Variants in TPRG1 observed in about 807,000 individuals in gnomAD.
TPRG1 encodes the protein tumor protein p63-regulated gene 1 protein.
A neutral mutation model predicts 29.3 loss-of-function variants in TPRG1; 29 were observed. That is an observed-to-expected ratio of 0.99 (90% CI 0.74 to 1.35). The LOEUF (loss-of-function observed/expected upper bound fraction) is 1.35. TPRG1 is among the 40% of genes most tolerant of loss of function. The pLI is 0.00. For synonymous variants in TPRG1, 130 were observed against 116.8 expected (o/e 1.11, Z -0.73); for missense variants, 327 against 335.0 (o/e 0.98, Z 0.19).
chr3:189,323,334 C>T lies in TPRG1; in HGVS notation c.*2514C>T, dbSNP rs1033776705. ...AAGAGTTGGATCAATCATGGGAGACCCTGAAAAATTTCCTTACCTTTCCTA... is the reference window on the plus strand; with the variant it reads ...AAGAGTTGGATCAATCATGGGAGACTCTGAAAAATTTCCTTACCTTTCCTA... On this transcript the variant is annotated 3_prime_UTR_variant, in exon 6 of 6. Transcript: ENST00000345063. 1 of 151,900 alleles carries T rather than the reference C, an allele frequency of 6.6e-6. No individual in the cohort carries two copies. Among genetic ancestry groups the T allele is most frequent in the African/African-American group, 2.4e-5 (1 of 41,346 alleles). 9.4% of individuals were successfully genotyped at this position (151,900 alleles called of 1,614,324 possible).
intron 4 of TPRG1, among the ~76,000 whole-genome samples, chr3:189,092,867 CTTGT>C (rs1718429759): frequency 6.6e-6 from 1 of 152,154 alleles, no homozygotes; most frequent in South Asian, 2.1e-4. Context: ...CACGTATTAA[CTTGT>C]TTAACAAATG....
chr3:189,180,252 C>T (rs1000181179), intron 1 of TPRG1, among the ~76,000 whole-genome samples: 5 of 152,074 alleles, frequency 3.3e-5, no homozygotes, highest in Admixed American at 2.6e-4. Flanking sequence ...CACCTCTGGT[C>T]GCTCCCAAAT....
At chr3:189,287,585 G>C (rs976924272) in intron 4 of TPRG1, among the ~76,000 whole-genome samples, 2 of 152,026 alleles carry the variant, frequency 1.3e-5, no homozygotes, top group Admixed American at 1.3e-4. Flanking sequence ...TTTTAGTAGA[G>C]ACGGGGTTTC....
intron 2 of TPRG1, among the ~76,000 whole-genome samples, chr3:189,130,562 A>G (rs1253221582): frequency 3.9e-5 from 6 of 152,240 alleles, no homozygotes; most frequent in Admixed American, 2.0e-4. Flanking sequence ...CAACAGCATG[A>G]AAGAGAACAC....
chr3:189,049,487 A>T (rs1715178095), intron 4 of TPRG1, among the ~76,000 whole-genome samples: 1 of 152,204 alleles, frequency 6.6e-6, no homozygotes, highest in South Asian at 2.1e-4. Context: ...CAGCAGCCAC[A>T]GCAAGACTGG....
chr3:189,119,560 C>T (rs945416148), intron 1 of TPRG1, among the ~76,000 whole-genome samples: 22 of 152,146 alleles, frequency 1.4e-4, no homozygotes, highest in African/African-American at 5.3e-4. Context: ...ATAATCTCCA[C>T]ATGTCGTGGG....
At chr3:189,193,974 C>A (rs1732132371) in intron 1 of TPRG1, among the ~76,000 whole-genome samples, 1 of 148,344 alleles carries the variant, frequency 6.7e-6, no homozygotes, top group African/African-American at 2.5e-5. Context: ...ATCATATTTT[C>A]TTGCTTTTTC....
At chr3:189,179,979 T>C (rs1729997207) in intron 1 of TPRG1, among the ~76,000 whole-genome samples, 1 of 152,182 alleles carries the variant, frequency 6.6e-6, no homozygotes, top group African/African-American at 2.4e-5. Flanking sequence ...GTTCCATGTG[T>C]CTGGGGAAGC....
chr3:189,095,008 A>G (rs1020429162), intron 4 of TPRG1, among the ~76,000 whole-genome samples: 1 of 152,128 alleles, frequency 6.6e-6, no homozygotes, highest in African/African-American at 2.4e-5. Flanking sequence ...TGTCATGTGT[A>G]TTGATTGTAG....
intron 1 of TPRG1, among the ~76,000 whole-genome samples, chr3:189,184,095 G>T (rs146806832): frequency 6.6e-6 from 1 of 152,106 alleles, no homozygotes; most frequent in Non-Finnish European, 1.5e-5. Flanking sequence ...TTCTGCCATG[G>T]CTTTAGCCAG....
chr3:189,214,335 A>C (rs1043433919), intron 2 of TPRG1, among the ~76,000 whole-genome samples: 1 of 152,226 alleles, frequency 6.6e-6, no homozygotes, highest in African/African-American at 2.4e-5. Flanking sequence ...GAGAGACCCA[A>C]AAAAATACCC....
chr3:189,148,411 G>T lies in TPRG1; in HGVS notation c.-227+764G>T, dbSNP rs929216044. ...AAGTACTATTTTAAGAAAAGGTGCC[G>T]AGTGTTATCAAAGCAGAGGACCTCT... On this transcript the variant is annotated intron_variant, in intron 4 of 6. Coordinates refer to the TPRG1 transcript ENST00000412373. Among the ~76,000 whole-genome samples, 9 of 152,202 alleles carry T rather than the reference G, an allele frequency of 5.9e-5. No homozygotes were observed. The East Asian group carries it at 1.7e-3, about 29-fold the overall frequency.
intron 4 of TPRG1, among the ~76,000 whole-genome samples, chr3:189,062,051 G>C (rs1295341031): frequency 6.6e-6 from 1 of 152,140 alleles, no homozygotes; most frequent in East Asian, 1.9e-4. Flanking sequence ...GCCCACCAAT[G>C]ACAGATTAGA....
chr3:189,156,584 C>T (rs1055551513), intron 5 of TPRG1, among the ~76,000 whole-genome samples: 3 of 152,078 alleles, frequency 2.0e-5, no homozygotes, highest in Non-Finnish European at 2.9e-5. Context: ...AAGTCCAAGC[C>T]CCTGGCGATA....
intron 1 of TPRG1, among the ~76,000 whole-genome samples, chr3:189,190,182 C>T (rs1731490096): frequency 6.6e-6 from 1 of 152,212 alleles, no homozygotes; most frequent in South Asian, 2.1e-4. Context: ...AAGGAATAGT[C>T]AGACTTATCC....
intron 4 of TPRG1, among the ~76,000 whole-genome samples, chr3:189,090,639 G>C (rs1162757409): frequency 6.6e-6 from 1 of 151,716 alleles, no homozygotes; most frequent in African/African-American, 2.4e-5. Context: ...ACAATTCTTT[G>C]ATATTTAAAA....
At chr3:189,305,131 A>G (rs1721425965) in intron 4 of TPRG1, among the ~76,000 whole-genome samples, 1 of 152,164 alleles carries the variant, frequency 6.6e-6, no homozygotes, top group Non-Finnish European at 1.5e-5. Context: ...CAGTTTTGCT[A>G]ACAGGTAGGT....
chr3:189,290,614 T>A (rs1576977489), intron 4 of TPRG1, among the ~76,000 whole-genome samples: 1 of 152,332 alleles, frequency 6.6e-6, no homozygotes, highest in African/African-American at 2.4e-5. Context: ...AGGAATAACA[T>A]TTTATGAAGG....
At chr3:189,179,963 C>T (rs1469356762) in intron 1 of TPRG1, among the ~76,000 whole-genome samples, 1 of 152,206 alleles carries the variant, frequency 6.6e-6, no homozygotes, top group Non-Finnish European at 1.5e-5. Flanking sequence ...GTTTAGTGGA[C>T]TTACAGTTCC....
Sources: gnomAD v4.1 joint callset for allele counts (sites outside exome capture counted in the v4.1 genomes callset) on GRCh38, gnomAD v4.1.1 for gene constraint, MANE v1.5 for transcripts, NCBI Gene and HGNC (gene_info 2026-07-23, HGNC 2026-07-21) for gene names.